SNTG2: variants seen among roughly 807,000 people sequenced by gnomAD.
The protein encoded by SNTG2 is syntrophin gamma 2.
SNTG2 carries 74 observed loss-of-function variants against 70.9 expected under a neutral mutation model. That is an observed-to-expected ratio of 1.04 (90% confidence interval 0.86 to 1.27). SNTG2 has a LOEUF of 1.27. Ranked by LOEUF, SNTG2 falls within the 50% of genes most tolerant of loss-of-function variation. The pLI is 0.00. For synonymous variants in SNTG2, 278 were observed against 273.8 expected (o/e 1.02, Z -0.15); for missense variants, 717 against 690.7 (o/e 1.04, Z -0.43).
At chr2:1,274,203 C>T (rs1224129637) in intron 14 of SNTG2, among the ~76,000 whole-genome samples, 1 of 152,208 alleles carries the variant, frequency 6.6e-6, no homozygotes, top group Admixed American at 6.5e-5. Flanking sequence ...AAATGGCACA[C>T]CCAGCTTGAC....
intron 16 of SNTG2, among the ~76,000 whole-genome samples, chr2:1,321,893 C>G (rs1362478413): frequency 6.6e-6 from 1 of 151,956 alleles, no homozygotes; most frequent in Non-Finnish European, 1.5e-5. Context: ...TCCTTCCTTT[C>G]CTTCTTTCTT....
rs746036171 is a variant in SNTG2 at position 1,353,807 on chromosome 2, T to C, written c.1489-13536T>C. 4 of 152,236 alleles carry C rather than the reference T, an allele frequency of 2.6e-5. No homozygotes were observed. Among genetic ancestry groups the C allele is most frequent in the African/African-American group, 4.8e-5 (2 of 41,538 alleles). 9.4% of individuals were successfully genotyped at this position (152,236 alleles called of 1,614,324 possible). ...CAGTTTGTGCACTGAGACGGAAAAA[T>C]GGACCGTGCCGTAAGGAGGTGTGAT... is the stretch of plus-strand genomic sequence containing the variant. On this transcript the variant is annotated intron_variant, in intron 16 of 16. Transcript: ENST00000308624. This position sits in a 1 kb window ranked among gnomAD's most constrained non-coding sequence, Gnocchi z 4.2.
intron 14 of SNTG2, among the ~76,000 whole-genome samples, chr2:1,268,510 T>G (rs1678865451): frequency 6.6e-6 from 1 of 152,206 alleles, no homozygotes; most frequent in Non-Finnish European, 1.5e-5. Context: ...TCATAGAAAC[T>G]GATGCCAATG....
intron 15 of SNTG2, among the ~76,000 whole-genome samples, chr2:1,313,482 C>G (rs1033419334): frequency 6.6e-6 from 1 of 152,186 alleles, no homozygotes; most frequent in African/African-American, 2.4e-5. Flanking sequence ...CCTAGAATGT[C>G]CAATTGCGCT....
At chr2:1,146,587 C>T (rs1669124034) in intron 6 of SNTG2, among the ~76,000 whole-genome samples, 1 of 152,030 alleles carries the variant, frequency 6.6e-6, no homozygotes, top group East Asian at 1.9e-4. Flanking sequence ...CTAGAATAGC[C>T]AATGCAGTAT....
intron 1 of SNTG2, among the ~76,000 whole-genome samples, chr2:1,041,660 G>A (rs927195279): frequency 6.6e-6 from 1 of 152,104 alleles, no homozygotes; most frequent in Admixed American, 6.5e-5. Context: ...TCTTGCTCCT[G>A]CTCTGCCTTC....
chr2:1,169,460 A>G (rs1226169081), intron 7 of SNTG2, among the ~76,000 whole-genome samples: 2 of 152,142 alleles, frequency 1.3e-5, no homozygotes, highest in Admixed American at 6.5e-5. Flanking sequence ...CAACACTGCA[A>G]CACCAGATGG....
intron 16 of SNTG2, among the ~76,000 whole-genome samples, chr2:1,326,245 T>C (rs1359464249): frequency 6.6e-6 from 1 of 152,246 alleles, no homozygotes; most frequent in Non-Finnish European, 1.5e-5. Context: ...ATATTGTTTC[T>C]CTTATGATTT....
At chr2:1,339,640 G>A (rs1659985168) in intron 16 of SNTG2, among the ~76,000 whole-genome samples, 1 of 152,180 alleles carries the variant, frequency 6.6e-6, no homozygotes, top group Admixed American at 6.5e-5. Context: ...AAAAAGACTT[G>A]CTCATTGTGA....
rs552968664 is a variant in SNTG2 at position 1,041,006 on chromosome 2, C to T, written c.73-42512C>T. Among the ~76,000 whole-genome samples, 5 of 152,242 alleles carry T rather than the reference C, an allele frequency of 3.3e-5. No individual in the cohort carries two copies. The East Asian group carries it at 5.8e-4, about 18-fold the overall frequency. On this transcript the variant is annotated intron_variant, in intron 1 of 16. Transcript: ENST00000308624. Reference sequence around the variant, plus strand: ...TTTGGTGGAGGCTAATGTTAAATTCCGGGACTGGCAGAGAAAAGGGAATAC... The same window carrying T: ...TTTGGTGGAGGCTAATGTTAAATTCTGGGACTGGCAGAGAAAAGGGAATAC...
chr2:1,310,676 G>A (rs1680940216), intron 15 of SNTG2, among the ~76,000 whole-genome samples: 4 of 152,026 alleles, frequency 2.6e-5, no homozygotes, highest in Admixed American at 2.6e-4. Flanking sequence ...CTCCTCAAGG[G>A]CATCACCATC....
chr2:1,244,491 T>C (rs1375616026), intron 11 of SNTG2, among the ~76,000 whole-genome samples: 5 of 151,982 alleles, frequency 3.3e-5, no homozygotes, highest in Non-Finnish European at 5.9e-5. Flanking sequence ...GGGCAGGAGA[T>C]TGAGACCATC....
Position 1,316,345 on chromosome 2 carries a change from G to A in SNTG2, c.1458G>A (p.Gln486=). The A allele has an allele frequency of 6.5e-7, 1 of 1,548,602 alleles. No homozygotes were observed. Among genetic ancestry groups the A allele is most frequent in the South Asian group, 1.2e-5 (1 of 83,768 alleles). ...AAACTCGAGTAAAGCTGCTGTTTCA[G>A]AATCTGGACACCAAACAGATTGAGA... ...DGKTRVKLLF[Q]NLDTKQIETK... is the part of the protein sequence containing the mutation. The change falls in exon 16 of 17, where the codon CAG becomes CAA. Residue 486 remains glutamine, a synonymous_variant. Coordinates refer to ENST00000308624, the MANE Select transcript of SNTG2 (RefSeq NM_018968.4).
intron 6 of SNTG2, among the ~76,000 whole-genome samples, chr2:1,156,350 C>T (rs898025546): frequency 6.6e-6 from 1 of 152,038 alleles, no homozygotes; most frequent in South Asian, 2.1e-4. Context: ...CACGGCAAGT[C>T]GGCAGATCAG....
intron 6 of SNTG2, among the ~76,000 whole-genome samples, chr2:1,151,432 C>T (rs1410653778): frequency 4.6e-5 from 7 of 152,266 alleles, no homozygotes; most frequent in South Asian, 2.1e-4. Flanking sequence ...TTTGTTTTCC[C>T]GGTGCTACCT....
At chr2:1,227,056 G>A (rs140951110) in intron 9 of SNTG2, among the ~76,000 whole-genome samples, 86 of 152,352 alleles carry the variant, frequency 5.6e-4, no homozygotes, top group Non-Finnish European at 1.0e-3. Context: ...CGATGTATAA[G>A]TGTCCTTGTA....
chr2:1,348,415 T>G (rs1660409011), intron 16 of SNTG2, among the ~76,000 whole-genome samples: 1 of 152,204 alleles, frequency 6.6e-6, no homozygotes, highest in Non-Finnish European at 1.5e-5. Context: ...TTACAACCTA[T>G]TCTCTAAAGC....
chr2:1,099,104 A>T (rs764800056), intron 4 of SNTG2, among the ~76,000 whole-genome samples: 6 of 152,176 alleles, frequency 3.9e-5, no homozygotes, highest in African/African-American at 1.4e-4. Context: ...CTGTCTCCCT[A>T]TCGGGAGGAT....
intron 1 of SNTG2, among the ~76,000 whole-genome samples, chr2:975,590 A>G (rs1391910215): frequency 6.6e-6 from 1 of 152,200 alleles, no homozygotes; most frequent in Non-Finnish European, 1.5e-5. Context: ...CCCAAAACAG[A>G]ACCCTCTACA....
Sources: allele counts gnomAD v4.1 joint callset (sites outside exome capture counted in the v4.1 genomes callset), GRCh38; gene constraint gnomAD v4.1.1; non-coding constraint Gnocchi (gnomAD v3.1); transcripts MANE v1.5; gene names NCBI Gene and HGNC (gene_info 2026-07-23, HGNC 2026-07-21).